The following SORCS3 variants were observed in gnomAD, a reference collection of about 807,000 sequenced individuals.
The protein encoded by SORCS3 is VPS10 domain-containing receptor SorCS3.
A neutral mutation model predicts 146.3 loss-of-function variants in SORCS3; 57 were observed. The ratio of observed to expected loss-of-function variants is 0.39; its 90% CI spans 0.31 to 0.49. SORCS3 has a LOEUF of 0.49. SORCS3 is among the 20% of genes least tolerant of loss of function. SORCS3 has a pLI of 0.92. For missense variants in SORCS3, 1,341 were observed against 1,575.5 expected (o/e 0.85, Z 2.52); for synonymous variants, 653 against 618.5 (o/e 1.06, Z -0.83).
intron 4 of SORCS3, among the ~76,000 whole-genome samples, chr10:105,028,374 A>G (rs1330153538): frequency 2.0e-5 from 3 of 152,158 alleles, no homozygotes; most frequent in Admixed American, 6.6e-5. Flanking sequence ...TGACAAAATA[A>G]CAGTTTCCTG....
chr10:104,813,929 CTTT>C (rs35625517), intron 1 of SORCS3, among the ~76,000 whole-genome samples: 10 of 116,126 alleles, frequency 8.6e-5, no homozygotes, highest in East Asian at 2.6e-4. Flanking sequence ...TCTTTTCTTT[CTTT>C]TTTTTTTTTT....
At chr10:104,649,787 A>G (rs1467819) in intron 1 of SORCS3, among the ~76,000 whole-genome samples, 51,465 of 152,138 alleles carry the variant, frequency 0.34, 8,857 homozygotes, top group Admixed American at 0.39. Context: ...CTAATAAGCT[A>G]TGAATAAATT....
intron 5 of SORCS3, among the ~76,000 whole-genome samples, chr10:105,056,392 A>G (rs1158412252): frequency 6.6e-6 from 1 of 152,068 alleles, no homozygotes; most frequent in East Asian, 1.9e-4. Context: ...ACTCCCAGCA[A>G]CTCTGTTAGG....
intron 2 of SORCS3, among the ~76,000 whole-genome samples, chr10:104,888,433 A>G (rs1048008712): frequency 2.0e-5 from 3 of 152,222 alleles, no homozygotes; most frequent in Non-Finnish European, 4.4e-5. Flanking sequence ...GTGGCCCAGT[A>G]GGAGAGTCCA....
chr10:105,168,084 C>T (rs2056329144), intron 13 of SORCS3, among the ~76,000 whole-genome samples: 3 of 151,820 alleles, frequency 2.0e-5, no homozygotes, highest in East Asian at 1.9e-4. Context: ...TAAAAAACAA[C>T]CTAGGATTAA....
At chr10:105,138,740 C>A (rs185334469) in intron 7 of SORCS3, among the ~76,000 whole-genome samples, 1 of 152,180 alleles carries the variant, frequency 6.6e-6, no homozygotes, top group African/African-American at 2.4e-5. Flanking sequence ...CAGGGCTTGT[C>A]CCTGAGCCTT....
intron 20 of SORCS3, among the ~76,000 whole-genome samples, chr10:105,237,415 A>G (rs1176006979): frequency 6.6e-6 from 1 of 152,222 alleles, no homozygotes; most frequent in Non-Finnish European, 1.5e-5. Context: ...TGGAAGTATT[A>G]GTCACTGTTG....
chr10:105,170,836 T>A (rs1163467394), intron 13 of SORCS3, among the ~76,000 whole-genome samples: 9 of 152,190 alleles, frequency 5.9e-5, no homozygotes, highest in Admixed American at 3.9e-4. Flanking sequence ...TGTTTTCTTA[T>A]GAAATTGTTG....
intron 4 of SORCS3, among the ~76,000 whole-genome samples, chr10:105,023,382 C>T (rs2055208858): frequency 6.6e-6 from 1 of 152,122 alleles, no homozygotes; most frequent in African/African-American, 2.4e-5. Context: ...ACAATGACTG[C>T]CTCTAAGCTC....
At chr10:105,183,172 G>T (rs558086493) in intron 14 of SORCS3, among the ~76,000 whole-genome samples, 1 of 152,202 alleles carries the variant, frequency 6.6e-6, no homozygotes, top group South Asian at 2.1e-4. Flanking sequence ...GACAGTAGAG[G>T]AAAGTGAGAG....
intron 2 of SORCS3, among the ~76,000 whole-genome samples, chr10:104,867,080 C>G (rs1191513714): frequency 6.6e-6 from 1 of 152,146 alleles, no homozygotes; most frequent in South Asian, 2.1e-4. Flanking sequence ...TGTCTCTGCT[C>G]TCGTGGAGTG....
intron 4 of SORCS3, among the ~76,000 whole-genome samples, chr10:104,994,409 G>T (rs2055011348): frequency 1.3e-5 from 2 of 152,320 alleles, no homozygotes; most frequent in Admixed American, 6.5e-5. Flanking sequence ...GGGTCACTCT[G>T]TGAGTTGCCT....
intron 1 of SORCS3, among the ~76,000 whole-genome samples, chr10:104,813,412 C>T (rs915117947): frequency 6.6e-6 from 1 of 152,174 alleles, no homozygotes. Context: ...AGATTTTATG[C>T]TCCATGAATT....
chr10:104,903,925 T>C (rs1038378706), intron 2 of SORCS3, among the ~76,000 whole-genome samples: 1 of 152,202 alleles, frequency 6.6e-6, no homozygotes, highest in Non-Finnish European at 1.5e-5. Flanking sequence ...GTCATGAAAT[T>C]GTTTTGTTTT....
chr10:104,855,205 G>C (rs2018316387), intron 2 of SORCS3, among the ~76,000 whole-genome samples: 1 of 152,136 alleles, frequency 6.6e-6, no homozygotes, highest in Non-Finnish European at 1.5e-5. Context: ...TCCTCTGCCA[G>C]TACCATCCTC....
At chr10:104,873,719 G>A (rs1335072145) in intron 2 of SORCS3, among the ~76,000 whole-genome samples, 1 of 152,108 alleles carries the variant, frequency 6.6e-6, no homozygotes, top group East Asian at 1.9e-4. Flanking sequence ...CTAGCCCTTG[G>A]CCTCATTCTG....
intron 1 of SORCS3, among the ~76,000 whole-genome samples, chr10:104,756,352 C>G (rs191015377): frequency 1.3e-5 from 2 of 152,132 alleles, no homozygotes; most frequent in Non-Finnish European, 2.9e-5. Flanking sequence ...TTCCTCTACA[C>G]GCAATAGAAA....
intron 18 of SORCS3, among the ~76,000 whole-genome samples, chr10:105,216,243 T>C (rs904906954): frequency 2.0e-5 from 3 of 152,188 alleles, no homozygotes; most frequent in Non-Finnish European, 4.4e-5. Flanking sequence ...GTATGCAGTA[T>C]TCATCTGTAG....
chr10:105,239,350 T>C (rs1029628781), intron 20 of SORCS3, among the ~76,000 whole-genome samples: 1 of 152,188 alleles, frequency 6.6e-6, no homozygotes, highest in African/African-American at 2.4e-5. Context: ...GCAGCTGTTA[T>C]CAAGGTATGC....
Sources: gnomAD v4.1 joint callset for allele counts (sites outside exome capture counted in the v4.1 genomes callset) on GRCh38, gnomAD v4.1.1 for gene constraint, MANE v1.5 for transcripts, NCBI Gene and HGNC (gene_info 2026-07-23, HGNC 2026-07-21) for gene names.